MARCHF1: variants seen among roughly 807,000 people sequenced by gnomAD.
MARCHF1 encodes the protein membrane associated ring-CH-type finger 1.
A neutral mutation model predicts 54.2 loss-of-function variants in MARCHF1; 40 were observed. The ratio of observed to expected loss-of-function variants is 0.74; its 90% confidence interval spans 0.57 to 0.96. MARCHF1 has a LOEUF of 0.96. MARCHF1 is among the 40% of genes least tolerant of loss of function. The pLI, the probability that MARCHF1 is intolerant of heterozygous loss-of-function variation, is 0.00. For synonymous variants in MARCHF1, 236 were observed against 236.3 expected (o/e 1.00, Z 0.01); for missense variants, 586 against 656.5 (o/e 0.89, Z 1.17).
Position 163,871,498 on chromosome 4 carries a change from G to A in MARCHF1, c.-38-17329C>T, listed in dbSNP as rs139350490. Among the ~76,000 whole-genome samples the A allele has an allele frequency of 4.5e-3, 686 of 152,230 alleles. 9 individuals are homozygous for A. The highest frequency in any genetic ancestry group is 0.015 in the African/African-American group (638 of 41,522). On this transcript the variant is annotated intron_variant, in intron 3 of 9. Coordinates refer to ENST00000514618, the MANE Select transcript of MARCHF1 (RefSeq NM_001394959.1). Reference sequence around the variant, plus strand: ...GGGTGCTGTGTGGGGTTCACTCAGAGAACTGTATATACAAGTCTTTGCCTG... The same window carrying A: ...GGGTGCTGTGTGGGGTTCACTCAGAAAACTGTATATACAAGTCTTTGCCTG...
chr4:164,259,930 T>TC (rs1733415487), intron 1 of MARCHF1, among the ~76,000 whole-genome samples: 1 of 152,194 alleles, frequency 6.6e-6, no homozygotes, highest in Non-Finnish European at 1.5e-5. Flanking sequence ...CTAAAGTGGT[T>TC]CTTAAACCTG....
rs58385154 is a variant in MARCHF1, at chr4:164,325,333, T to TTATATATATATATATATATA, written c.-323+58517_-323+58536dup. On this transcript the variant is annotated intron_variant, in intron 1 of 9. Transcript: ENST00000514618. ...GGACCAGTGAGTTGGTAGACAGAAA[T>TTATATATATATATATATATA]TATATATATATATATATATATATTT... Among the ~76,000 whole-genome samples, 1,172 of 138,142 alleles carry TTATATATATATATATATATA rather than the reference T, an allele frequency of 8.5e-3. 11 individuals are homozygous for TTATATATATATATATATATA. The highest frequency in any genetic ancestry group is 0.031 in the South Asian group (121 of 3,966). 90.6% of individuals were successfully genotyped at this position (138,142 alleles called of 152,430 possible).
intron 5 of MARCHF1, among the ~76,000 whole-genome samples, chr4:163,638,810 C>T (rs535128065): frequency 2.0e-4 from 30 of 152,190 alleles, no homozygotes; most frequent in African/African-American, 3.1e-4. Context: ...GGTATGTATA[C>T]GTATATCTAT....
chr4:163,895,815 T>C (rs1579374705), intron 3 of MARCHF1, among the ~76,000 whole-genome samples: 1 of 152,242 alleles, frequency 6.6e-6, no homozygotes, highest in Non-Finnish European at 1.5e-5. Flanking sequence ...CACTATGACA[T>C]GGGTAATGCA....
At chr4:164,146,260 C>T (rs1403005892) in intron 1 of MARCHF1, among the ~76,000 whole-genome samples, 2 of 147,488 alleles carry the variant, frequency 1.4e-5, no homozygotes, top group Non-Finnish European at 3.0e-5. Context: ...AGGTAATTTA[C>T]AGATTCCATG....
intron 1 of MARCHF1, among the ~76,000 whole-genome samples, chr4:164,205,278 C>T (rs1334369523): frequency 6.6e-6 from 1 of 152,158 alleles, no homozygotes; most frequent in African/African-American, 2.4e-5. Context: ...AATATGTCCT[C>T]AAACTGTGCA....
chr4:164,289,540 G>A (rs1579692324), intron 1 of MARCHF1, among the ~76,000 whole-genome samples: 1 of 147,366 alleles, frequency 6.8e-6, no homozygotes, highest in East Asian at 2.1e-4. Flanking sequence ...GAGGTGAGTT[G>A]TCACAGCAGG....
At chr4:164,160,249 T>C (rs896143714) in intron 1 of MARCHF1, among the ~76,000 whole-genome samples, 1 of 152,126 alleles carries the variant, frequency 6.6e-6, no homozygotes. Flanking sequence ...AGACTGCACT[T>C]CTGCAAACCT....
At chr4:163,732,290 C>T (rs1028590884) in intron 4 of MARCHF1, among the ~76,000 whole-genome samples, 7 of 151,798 alleles carry the variant, frequency 4.6e-5, no homozygotes, top group Admixed American at 1.3e-4. Context: ...AGCAACAGTA[C>T]GATTAGATGT....
intron 4 of MARCHF1, among the ~76,000 whole-genome samples, chr4:163,755,516 A>G (rs1348396372): frequency 6.6e-6 from 1 of 152,186 alleles, no homozygotes; most frequent in Non-Finnish European, 1.5e-5. Context: ...TTTAATTTCA[A>G]ACTTAACCCC....
chr4:164,337,306 T>C lies in MARCHF1; in HGVS notation c.-323+46564A>G, dbSNP rs112954714. 1.3e-3 allele frequency among the ~76,000 whole-genome samples: 201 copies of C among 152,030 alleles called. 1 individual carries two copies. The highest frequency in any genetic ancestry group is 6.8e-3 in the Middle Eastern group (2 of 294). ...CTGTTGGATCACAAAAATCTGAAAA[T>C]AGATGCATTTAAAAAAGCTAAAAAA... On this transcript the variant is annotated intron_variant, in intron 1 of 9. Transcript: ENST00000514618.
intron 2 of MARCHF1, among the ~76,000 whole-genome samples, chr4:164,109,473 T>C (rs1755783614): frequency 6.6e-6 from 1 of 152,012 alleles, no homozygotes; most frequent in African/African-American, 2.4e-5. Context: ...TCATATACAG[T>C]ACATGAAGAA....
At chr4:163,781,289 T>G in intron 4 of MARCHF1, among the ~76,000 whole-genome samples, 1 of 152,236 alleles carries the variant, frequency 6.6e-6, no homozygotes, top group East Asian at 1.9e-4. Flanking sequence ...AGGCGGAGGT[T>G]GTAGTAGCCA....
At chr4:164,032,522 T>C (rs1046326957) in intron 2 of MARCHF1, among the ~76,000 whole-genome samples, 1 of 152,216 alleles carries the variant, frequency 6.6e-6, no homozygotes, top group African/African-American at 2.4e-5. Flanking sequence ...TCAGAGATTC[T>C]GGTATGTTGT....
In MARCHF1 at chr4:163,547,220, G is replaced by A. The variant is rs572118132; in HGVS notation, c.1192-1477C>T. The stretch of plus-strand genomic sequence containing the variant: ...TACTCTCTCTGGGCCTCACTGCCTC[G>A]TCTTCATGAGGAGCAGATTTCAACA... On this transcript the variant is annotated intron_variant, in intron 8 of 9. Coordinates refer to ENST00000514618, the MANE Select transcript of MARCHF1 (RefSeq NM_001394959.1). Among the ~76,000 whole-genome samples the A allele has an allele frequency of 1.4e-4, 22 of 152,292 alleles. No individual in the cohort carries two copies. The South Asian group carries it at 3.7e-3, about 26-fold the overall frequency.
chr4:163,786,154 T>C (rs1747612990), intron 4 of MARCHF1, among the ~76,000 whole-genome samples: 1 of 152,006 alleles, frequency 6.6e-6, no homozygotes, highest in Non-Finnish European at 1.5e-5. Flanking sequence ...CCTCCAGAAA[T>C]GTAAGATAAT....
chr4:164,300,834 A>C (rs1734537541), intron 1 of MARCHF1, among the ~76,000 whole-genome samples: 1 of 152,154 alleles, frequency 6.6e-6, no homozygotes, highest in African/African-American at 2.4e-5. Flanking sequence ...CAAGTACGTC[A>C]ATGCACCAAA....
chr4:163,985,491 A>T (rs1752845377), intron 3 of MARCHF1, among the ~76,000 whole-genome samples: 1 of 152,186 alleles, frequency 6.6e-6, no homozygotes, highest in South Asian at 2.1e-4. Flanking sequence ...GTTACTTTTT[A>T]AAATCTTAAA....
chr4:163,663,768 T>A (rs1330650217), intron 5 of MARCHF1, among the ~76,000 whole-genome samples: 1 of 152,100 alleles, frequency 6.6e-6, no homozygotes, highest in Non-Finnish European at 1.5e-5. Flanking sequence ...TATAAGCTCA[T>A]GCTAATATCT....
Sources: allele counts gnomAD v4.1 joint callset (sites outside exome capture counted in the v4.1 genomes callset), GRCh38; gene constraint gnomAD v4.1.1; transcripts MANE v1.5; gene names NCBI Gene and HGNC (gene_info 2026-07-23, HGNC 2026-07-21).